Variants in EPHA6 observed in about 807,000 individuals in gnomAD.
The protein encoded by EPHA6 is EPH receptor A6, also known as ephrin type-A receptor 6.
Under a neutral mutation model 112.0 loss-of-function variants are expected in EPHA6, and 50 were observed. The ratio of observed to expected loss-of-function variants is 0.45; its 90% CI spans 0.36 to 0.56. The LOEUF (loss-of-function observed/expected upper bound fraction) is 0.56. Ranked by LOEUF, EPHA6 falls within the 20% of genes least tolerant of loss-of-function variation. The pLI is 0.00. For missense variants in EPHA6, 1,280 were observed against 1,417.4 expected (o/e 0.90, Z 1.56); for synonymous variants, 529 against 490.7 (o/e 1.08, Z -1.03).
intron 3 of EPHA6, among the ~76,000 whole-genome samples, chr3:97,213,286 A>G (rs1405422222): frequency 3.9e-5 from 6 of 152,160 alleles, no homozygotes; most frequent in Non-Finnish European, 7.4e-5. Flanking sequence ...GAGGACAGAG[A>G]GAAAAAGAAA....
At chr3:97,520,001 T>C (rs2092512596) in intron 10 of EPHA6, among the ~76,000 whole-genome samples, 1 of 150,338 alleles carries the variant, frequency 6.7e-6, no homozygotes, top group Non-Finnish European at 1.5e-5. Context: ...AGAGTCTTGC[T>C]CTGTTGCCCA....
intron 2 of EPHA6, among the ~76,000 whole-genome samples, chr3:96,895,466 T>A (rs2038216860): frequency 6.6e-6 from 1 of 151,994 alleles, no homozygotes; most frequent in African/African-American, 2.4e-5. Flanking sequence ...AAGAAAAAAA[T>A]TAAAATAAAT....
chr3:97,232,117 G>A (rs1212562878), intron 4 of EPHA6, among the ~76,000 whole-genome samples: 1 of 152,142 alleles, frequency 6.6e-6, no homozygotes, highest in African/African-American at 2.4e-5. Flanking sequence ...ATTTTTGGGT[G>A]TGATTTTCTG....
chr3:96,902,786 G>T (rs2038689211), intron 2 of EPHA6, among the ~76,000 whole-genome samples: 1 of 152,078 alleles, frequency 6.6e-6, no homozygotes, highest in Admixed American at 6.6e-5. Context: ...TTATTGACAA[G>T]ATCTACTGGA....
chr3:97,126,113 T>A (rs562200417), intron 3 of EPHA6, among the ~76,000 whole-genome samples: 1 of 152,164 alleles, frequency 6.6e-6, no homozygotes, highest in Admixed American at 6.5e-5. Flanking sequence ...TTAGAAGGCA[T>A]TTTTTTAGCC....
At chr3:97,286,730 T>C (rs2080477477) in intron 5 of EPHA6, among the ~76,000 whole-genome samples, 1 of 152,160 alleles carries the variant, frequency 6.6e-6, no homozygotes, top group South Asian at 2.1e-4. Context: ...TTGGACTCTT[T>C]TTAAATTCCA....
chr3:96,858,054 G>C (rs2035797944), intron 1 of EPHA6, among the ~76,000 whole-genome samples: 1 of 152,078 alleles, frequency 6.6e-6, no homozygotes, highest in Admixed American at 6.6e-5. Flanking sequence ...CTGGAGAAAG[G>C]GGGTGGGGGA....
At chr3:97,043,109 A>G (rs2045374671) in intron 3 of EPHA6, among the ~76,000 whole-genome samples, 1 of 152,158 alleles carries the variant, frequency 6.6e-6, no homozygotes, top group Non-Finnish European at 1.5e-5. Context: ...CCAGGAAAGA[A>G]AGTCTGAACT....
chr3:97,460,436 A>G (rs942131655), intron 7 of EPHA6, among the ~76,000 whole-genome samples: 3 of 152,236 alleles, frequency 2.0e-5, no homozygotes, highest in African/African-American at 4.8e-5. Context: ...TACTCAGGCT[A>G]TAGCAGAAAT....
chr3:97,547,923 G>A (rs529729047), intron 11 of EPHA6, among the ~76,000 whole-genome samples: 1 of 152,318 alleles, frequency 6.6e-6, no homozygotes, highest in African/African-American at 2.4e-5. Flanking sequence ...GAAAAGCACA[G>A]TATTAGGGTG....
chr3:97,263,028 G>A (rs538711812), intron 5 of EPHA6, among the ~76,000 whole-genome samples: 1 of 152,252 alleles, frequency 6.6e-6, no homozygotes, highest in Non-Finnish European at 1.5e-5. Context: ...AAAATCTATA[G>A]TAAAACTAGC....
intron 3 of EPHA6, among the ~76,000 whole-genome samples, chr3:97,034,037 C>G (rs865974165): frequency 6.6e-6 from 1 of 151,830 alleles, no homozygotes; most frequent in Admixed American, 6.6e-5. Context: ...TTATTGCTGA[C>G]CACAATCTGC....
chr3:97,085,334 T>A (rs1233183852), intron 3 of EPHA6, among the ~76,000 whole-genome samples: 3 of 152,122 alleles, frequency 2.0e-5, no homozygotes, highest in Admixed American at 2.0e-4. Context: ...AGATCATTGC[T>A]TGAGTGAAGA....
chr3:97,487,299 A>G (rs1380218426), intron 10 of EPHA6, among the ~76,000 whole-genome samples: 1 of 152,242 alleles, frequency 6.6e-6, no homozygotes, highest in African/African-American at 2.4e-5. Flanking sequence ...ACAATATACA[A>G]TCATTAAATC....
chr3:97,747,689 AC>A, intron 17 of EPHA6, 117 bp downstream of exon 17: 2 of 817,096 alleles, frequency 2.4e-6, no homozygotes, highest in Non-Finnish European at 3.4e-6. Flanking sequence ...GTCTTTGCTC[AC>A]CATTTCTGAC....
At chr3:96,913,210 A>G (rs908650155) in intron 2 of EPHA6, among the ~76,000 whole-genome samples, 1 of 117,532 alleles carries the variant, frequency 8.5e-6, no homozygotes, top group East Asian at 3.8e-4. Flanking sequence ...ACACACACAC[A>G]CACCACACAC....
chr3:96,930,837 C>G (rs748834653), intron 2 of EPHA6, among the ~76,000 whole-genome samples: 5 of 151,420 alleles, frequency 3.3e-5, no homozygotes, highest in Non-Finnish European at 4.4e-5. Context: ...ACTAAAAATA[C>G]AAAAATTAGC....
chr3:96,876,791 A>T (rs1353927369), intron 2 of EPHA6, among the ~76,000 whole-genome samples: 1 of 151,858 alleles, frequency 6.6e-6, no homozygotes. Context: ...TCCAACCCCC[A>T]CTTTCTCTAT....
At chr3:97,665,921 A>C (rs2030040235) in intron 14 of EPHA6, among the ~76,000 whole-genome samples, 1 of 152,016 alleles carries the variant, frequency 6.6e-6, no homozygotes, top group African/African-American at 2.4e-5. Flanking sequence ...GCCAGGTGTG[A>C]GAGTGTGTGC....
Sources: gnomAD v4.1 joint callset for allele counts (sites outside exome capture counted in the v4.1 genomes callset) on GRCh38, gnomAD v4.1.1 for gene constraint, MANE v1.5 for transcripts, NCBI Gene and HGNC (gene_info 2026-07-23, HGNC 2026-07-21) for gene names.